Variants in GALNTL6 observed in about 807,000 individuals in gnomAD.
GALNTL6 encodes the protein polypeptide N-acetylgalactosaminyltransferase like 6.
GALNTL6 carries 46 observed loss-of-function variants against 73.7 expected under a neutral mutation model. The observed-to-expected ratio is 0.62, with a 90% CI of 0.49 to 0.80. GALNTL6 has a LOEUF of 0.80. GALNTL6 is among the 30% of genes least tolerant of loss of function. The pLI is 0.00. For synonymous variants in GALNTL6, 259 were observed against 263.7 expected (o/e 0.98, Z 0.17); for missense variants, 604 against 755.0 (o/e 0.80, Z 2.34).
At chr4:173,001,582 C>G (rs1646376578) in intron 10 of GALNTL6, among the ~76,000 whole-genome samples, 1 of 151,962 alleles carries the variant, frequency 6.6e-6, no homozygotes, top group South Asian at 2.1e-4. Flanking sequence ...AAAAGGTAAC[C>G]CACTGAATAG....
intron 5 of GALNTL6, among the ~76,000 whole-genome samples, chr4:172,604,571 AATG>A (rs1214715806): frequency 5.9e-5 from 9 of 152,230 alleles, no homozygotes; most frequent in African/African-American, 1.7e-4. Context: ...TGTTTTATTG[AATG>A]ATAACAACTA....
At chr4:172,512,568 T>C (rs1734462576) in intron 5 of GALNTL6, among the ~76,000 whole-genome samples, 1 of 152,172 alleles carries the variant, frequency 6.6e-6, no homozygotes, top group Non-Finnish European at 1.5e-5. Context: ...AGGTTCTATT[T>C]TGGTGTATTT....
chr4:172,402,215 G>A (rs935915156), intron 5 of GALNTL6, among the ~76,000 whole-genome samples: 8 of 152,002 alleles, frequency 5.3e-5, no homozygotes, highest in African/African-American at 1.7e-4. Context: ...TCTATGCTGT[G>A]TGCCTGGCTT....
At chr4:172,837,384 A>G (rs1579547643) in intron 7 of GALNTL6, among the ~76,000 whole-genome samples, 1 of 152,214 alleles carries the variant, frequency 6.6e-6, no homozygotes, top group Non-Finnish European at 1.5e-5. Context: ...TTGATCATCC[A>G]TAGTTATTGT....
At chr4:172,957,743 G>T (rs927549761) in intron 10 of GALNTL6, among the ~76,000 whole-genome samples, 1 of 152,128 alleles carries the variant, frequency 6.6e-6, no homozygotes, top group Non-Finnish European at 1.5e-5. Flanking sequence ...AAATATTGAC[G>T]TGTAGTCCTT....
chr4:172,179,973 G>T (rs977180904), intron 2 of GALNTL6, among the ~76,000 whole-genome samples: 3 of 152,154 alleles, frequency 2.0e-5, no homozygotes, highest in Non-Finnish European at 4.4e-5. Flanking sequence ...TAATGTGATT[G>T]CTAGGTCAAA....
At chr4:172,635,628 C>T (rs981403620) in intron 5 of GALNTL6, among the ~76,000 whole-genome samples, 10 of 152,224 alleles carry the variant, frequency 6.6e-5, no homozygotes, top group Middle Eastern at 3.4e-3. Context: ...TATTTTTCTG[C>T]GAACTTTCTT....
At chr4:171,868,234 C>G (rs112994095) in intron 2 of GALNTL6, among the ~76,000 whole-genome samples, 16 of 152,226 alleles carry the variant, frequency 1.1e-4, no homozygotes, top group African/African-American at 3.9e-4. Context: ...AGCAATCCTC[C>G]TGCCTCAACC....
chr4:172,206,807 TTTTTTTGTTTG>T (rs1330001673), intron 2 of GALNTL6, among the ~76,000 whole-genome samples: 2 of 15,010 alleles, frequency 1.3e-4, no homozygotes, highest in African/African-American at 2.6e-4. Context: ...GTTTTTCTGT[TTTTTTTGTTTG>T]TTTTTTTTTT....
At chr4:172,849,063 T>C (rs889871433) in intron 7 of GALNTL6, among the ~76,000 whole-genome samples, 4 of 151,854 alleles carry the variant, frequency 2.6e-5, no homozygotes, top group Non-Finnish European at 5.9e-5. Context: ...TGAAAGCAAC[T>C]AAAAGGAAAA....
chr4:172,064,791 T>G (rs1731309808), intron 2 of GALNTL6, among the ~76,000 whole-genome samples: 1 of 152,274 alleles, frequency 6.6e-6, no homozygotes, highest in Non-Finnish European at 1.5e-5. Flanking sequence ...TAACAAAAGT[T>G]TGTGCCTTTT....
intron 2 of GALNTL6, among the ~76,000 whole-genome samples, chr4:171,883,820 T>C (rs1736530427): frequency 6.6e-6 from 1 of 152,004 alleles, no homozygotes; most frequent in South Asian, 2.1e-4. Context: ...GCTAATTTTT[T>C]GTATTTTTAG....
intron 2 of GALNTL6, among the ~76,000 whole-genome samples, chr4:172,094,759 A>G (rs948260315): frequency 6.6e-6 from 1 of 152,088 alleles, no homozygotes; most frequent in African/African-American, 2.4e-5. Context: ...TTACACTAAG[A>G]TTATTAACGT....
chr4:172,750,899 T>A (rs1314158211), intron 5 of GALNTL6, among the ~76,000 whole-genome samples: 1 of 152,198 alleles, frequency 6.6e-6, no homozygotes, highest in East Asian at 1.9e-4. Flanking sequence ...GGCAACACAT[T>A]CTTTTAGTTG....
At chr4:172,099,516 A>G (rs1732452696) in intron 2 of GALNTL6, among the ~76,000 whole-genome samples, 1 of 152,110 alleles carries the variant, frequency 6.6e-6, no homozygotes, top group African/African-American at 2.4e-5. Context: ...CTTTTCCAAC[A>G]AAGACCAGAA....
At chr4:172,925,542 T>A (rs543611206) in intron 8 of GALNTL6, among the ~76,000 whole-genome samples, 1 of 152,298 alleles carries the variant, frequency 6.6e-6, no homozygotes, top group Admixed American at 6.5e-5. Flanking sequence ...CCTCATCTAG[T>A]CACATGAGTT....
chr4:172,617,501 G>A (rs1022975290), intron 5 of GALNTL6, among the ~76,000 whole-genome samples: 3 of 151,118 alleles, frequency 2.0e-5, no homozygotes, highest in Non-Finnish European at 2.9e-5. Context: ...TTTTGAGACC[G>A]ATTCTCGCTC....
chr4:172,516,834 G>A (rs1264306009), intron 5 of GALNTL6, among the ~76,000 whole-genome samples: 1 of 152,160 alleles, frequency 6.6e-6, no homozygotes, highest in African/African-American at 2.4e-5. Context: ...ATACATAAAT[G>A]TAATATCATT....
chr4:172,870,571 G>A (rs760576282), intron 7 of GALNTL6, among the ~76,000 whole-genome samples: 2 of 152,174 alleles, frequency 1.3e-5, no homozygotes, highest in Non-Finnish European at 2.9e-5. Flanking sequence ...TCTCTTTTAT[G>A]AGGAATAGTT....
Sources: allele counts gnomAD v4.1 joint callset (sites outside exome capture counted in the v4.1 genomes callset), GRCh38; gene constraint gnomAD v4.1.1; transcripts MANE v1.5; gene names NCBI Gene and HGNC (gene_info 2026-07-23, HGNC 2026-07-21).